Variants in SORCS1 observed in about 807,000 individuals in gnomAD.
SORCS1 encodes the protein VPS10 domain-containing receptor SorCS1.
A neutral mutation model predicts 146.1 loss-of-function variants in SORCS1; 60 were observed. The observed-to-expected ratio is 0.41, with a 90% confidence interval of 0.33 to 0.51. The LOEUF is 0.51. SORCS1 is among the 20% of genes least tolerant of loss of function. The pLI is 0.21. For missense variants in SORCS1, 1,352 were observed against 1,487.6 expected, an observed-to-expected ratio of 0.91 and a Z score of 1.50; for synonymous variants, 637 against 584.0, an observed-to-expected ratio of 1.09 and a Z score of -1.31.
intron 1 of SORCS1, among the ~76,000 whole-genome samples, chr10:107,107,801 C>G (rs1386897963): frequency 6.6e-6 from 1 of 152,164 alleles, no homozygotes; most frequent in African/African-American, 2.4e-5. Context: ...GCTTTATCCT[C>G]TTGTGGACTC....
At chr10:106,781,961 A>G (rs556160356) in intron 3 of SORCS1, among the ~76,000 whole-genome samples, 1 of 151,212 alleles carries the variant, frequency 6.6e-6, no homozygotes, top group Non-Finnish European at 1.5e-5. Context: ...GCACACACTG[A>G]TAGAAATGAG....
intron 4 of SORCS1, among the ~76,000 whole-genome samples, chr10:106,765,456 A>C (rs1289270220): frequency 6.6e-6 from 1 of 152,082 alleles, no homozygotes; most frequent in African/African-American, 2.4e-5. Flanking sequence ...GCAGATAAAA[A>C]TACACTTAAT....
chr10:106,858,555 C>T (rs1306282466), intron 2 of SORCS1, among the ~76,000 whole-genome samples: 5 of 142,698 alleles, frequency 3.5e-5, no homozygotes, highest in Non-Finnish European at 6.0e-5. Context: ...TGGCAATGAG[C>T]CGAGATTGCA....
chr10:106,655,139 G>A (rs1044839517), intron 17 of SORCS1, among the ~76,000 whole-genome samples: 7 of 152,142 alleles, frequency 4.6e-5, no homozygotes, highest in Admixed American at 4.6e-4. Flanking sequence ...AAAGACATGA[G>A]CCACCACGCC....
intron 14 of SORCS1, among the ~76,000 whole-genome samples, chr10:106,674,246 A>G (rs1462352550): frequency 2.7e-5 from 4 of 146,148 alleles, no homozygotes; most frequent in Non-Finnish European, 4.5e-5. Context: ...GGAGAATGGC[A>G]TGAACCCAGG....
intron 4 of SORCS1, among the ~76,000 whole-genome samples, chr10:106,773,723 G>A (rs535905352): frequency 6.6e-6 from 1 of 152,276 alleles, no homozygotes; most frequent in Non-Finnish European, 1.5e-5. Context: ...GCCAAGGTGG[G>A]TGGATCACAA....
chr10:106,667,757 T>C lies in SORCS1; in HGVS notation c.2235A>G (p.Ala745=), dbSNP rs200925481. ...ACAGAGAGGATGGATTGAACCAAAATGCCGGCAGGCACTGGCCATTGCTGT... is the reference window on the plus strand; with the variant it reads ...ACAGAGAGGATGGATTGAACCAAAACGCCGGCAGGCACTGGCCATTGCTGT... ...ERHSNGQCLP[A]FWFNPSSLSK... is the part of the protein sequence containing the mutation. The change falls in exon 17 of 26, where the codon GCA becomes GCG. Residue 745 remains alanine (A), a synonymous_variant. Transcript: ENST00000263054. 7 of 1,614,096 alleles carry C rather than the reference T, an allele frequency of 4.3e-6. No homozygotes were observed. In the Admixed American group the frequency reaches 8.3e-5, roughly 19 times the overall value.
intron 6 of SORCS1, among the ~76,000 whole-genome samples, chr10:106,723,874 T>G (rs973994417): frequency 6.6e-6 from 1 of 152,290 alleles, no homozygotes; most frequent in Non-Finnish European, 1.5e-5. Flanking sequence ...AGAATGTTTT[T>G]AATGCATAAA....
intron 1 of SORCS1, among the ~76,000 whole-genome samples, chr10:107,147,397 G>A (rs1013474682): frequency 3.3e-5 from 5 of 152,162 alleles, no homozygotes; most frequent in African/African-American, 1.2e-4. Context: ...CTATCCACTG[G>A]AGCAGCATGC....
chr10:106,904,406 A>G (rs1346794859), intron 2 of SORCS1, among the ~76,000 whole-genome samples: 3 of 152,200 alleles, frequency 2.0e-5, no homozygotes, highest in Admixed American at 2.0e-4. Context: ...CTCAGCCCCA[A>G]AAGGGGAAAA....
chr10:107,167,626 A>T (rs1446996498), upstream of SORCS1, among the ~76,000 whole-genome samples: 2 of 152,176 alleles, frequency 1.3e-5, no homozygotes, highest in Non-Finnish European at 2.9e-5. Context: ...ACAAGGGCAC[A>T]AGCACACTCA....
intron 5 of SORCS1, among the ~76,000 whole-genome samples, chr10:106,755,337 G>A (rs1858553183): frequency 6.6e-6 from 1 of 152,188 alleles, no homozygotes; most frequent in African/African-American, 2.4e-5. Context: ...TACAAATTAT[G>A]TGTTATGTTG....
At position 106,706,538 on chromosome 10, in the gene SORCS1, G is replaced by A. The variant is rs892823030; in HGVS notation, c.1233+7C>T. The A allele has an allele frequency of 1.9e-6, 3 of 1,613,542 alleles. No individual in the cohort carries two copies. Among genetic ancestry groups the A allele is most frequent in the Non-Finnish European group, 2.5e-6 (3 of 1,179,472 alleles). ...GAGTGAAATGAAGAAAGTGATTTAG[G>A]CCATACCTTGGGCAAAGCATATTTC... On this transcript the variant is annotated splice_region_variant and intron_variant, in intron 8 of 25. Coordinates refer to ENST00000263054, the MANE Select transcript of SORCS1 (RefSeq NM_052918.5).
chr10:106,994,982 TA>T lies in SORCS1; in HGVS notation c.559-38403del, dbSNP rs1379963654. Among the ~76,000 whole-genome samples the T allele has an allele frequency of 2.0e-5, 3 of 151,772 alleles. No individual in the cohort carries two copies. The East Asian group carries it at 5.8e-4, about 29-fold the overall frequency. Reference sequence around the variant, plus strand: ...TTAGTAATAACTGAACGTCGGAAAATAAAACATACAGGAGAGTGGATATTAG... The same window carrying T: ...TTAGTAATAACTGAACGTCGGAAAATAAACATACAGGAGAGTGGATATTAG... On this transcript the variant is annotated intron_variant, in intron 1 of 25. Transcript: ENST00000263054.
At chr10:106,885,092 T>C (rs935942362) in intron 2 of SORCS1, among the ~76,000 whole-genome samples, 1 of 152,318 alleles carries the variant, frequency 6.6e-6, no homozygotes, top group East Asian at 1.9e-4. Context: ...AGAAAATCTA[T>C]GTTGTTTAGA....
At chr10:106,756,419 A>G (rs1335369091) in intron 5 of SORCS1, among the ~76,000 whole-genome samples, 2 of 152,088 alleles carry the variant, frequency 1.3e-5, no homozygotes, top group Non-Finnish European at 2.9e-5. Flanking sequence ...CTTCCCCATG[A>G]TTTTTTTACT....
At chr10:106,636,072 C>A (rs558658359) in intron 18 of SORCS1, among the ~76,000 whole-genome samples, 8 of 152,054 alleles carry the variant, frequency 5.3e-5, no homozygotes, top group Non-Finnish European at 1.2e-4. Context: ...GCATGGCATG[C>A]GACTTTGTAT....
intron 12 of SORCS1, among the ~76,000 whole-genome samples, chr10:106,678,805 A>G (rs1055413422): frequency 9.9e-5 from 15 of 152,174 alleles, no homozygotes; most frequent in African/African-American, 3.1e-4. Context: ...AACATCTCAG[A>G]ACACCACCTG....
chr10:107,076,688 T>C (rs187437299), intron 1 of SORCS1, among the ~76,000 whole-genome samples: 103 of 152,252 alleles, frequency 6.8e-4, no homozygotes, highest in African/African-American at 2.3e-3. Context: ...TAGCTCTTTG[T>C]GGGTAAATTA....
Sources: gnomAD v4.1 joint callset for allele counts (sites outside exome capture counted in the v4.1 genomes callset) on GRCh38, gnomAD v4.1.1 for gene constraint, MANE v1.5 for transcripts, NCBI Gene and HGNC (gene_info 2026-07-23, HGNC 2026-07-21) for gene names.